SLC44A5: variants seen among roughly 807,000 people sequenced by gnomAD.
SLC44A5 encodes the protein choline transporter-like protein 5.
SLC44A5 carries 57 observed loss-of-function variants against 101.8 expected under a neutral mutation model. The observed-to-expected ratio is 0.56, with a 90% CI of 0.45 to 0.70. SLC44A5 has a LOEUF of 0.70. Among genes scored for constraint, SLC44A5 ranks in the 30% least tolerant of loss-of-function variants. SLC44A5 has a pLI of 0.00. For synonymous variants in SLC44A5, 281 were observed against 290.9 expected (o/e 0.97, Z 0.35); for missense variants, 737 against 853.1 (o/e 0.86, Z 1.70).
At chr1:75,619,087 G>GA in the SLC44A5 span, among the ~76,000 whole-genome samples, 1 of 66,774 alleles carries the variant, frequency 1.5e-5, no homozygotes. Context: ...AAAGGGGGGG[G>GA]GGAAGGAAAG....
intron 1 of SLC44A5, among the ~76,000 whole-genome samples, chr1:75,607,332 T>C (rs1675378604): frequency 6.6e-6 from 1 of 152,078 alleles, no homozygotes; most frequent in Admixed American, 6.6e-5. Flanking sequence ...CTTAAAAATA[T>C]ATTCAGTATC....
the SLC44A5 span, among the ~76,000 whole-genome samples, chr1:75,682,906 C>T: frequency 6.6e-6 from 1 of 151,988 alleles, no homozygotes; most frequent in Non-Finnish European, 1.5e-5. Flanking sequence ...AACAAATTAA[C>T]AAGAAAAAAA....
chr1:75,452,719 A>G (rs1665973272), intron 2 of SLC44A5, among the ~76,000 whole-genome samples: 1 of 152,116 alleles, frequency 6.6e-6, no homozygotes, highest in Non-Finnish European at 1.5e-5. Context: ...TATCATCCAA[A>G]TGAAAAAAGA....
In SLC44A5 at chr1:75,443,173, C is replaced by A. The variant is rs79258361; in HGVS notation, c.14-46552G>T. 6.2e-3 allele frequency among the ~76,000 whole-genome samples: 947 copies of A among 151,976 alleles called. 6 individuals are homozygous for A. Among genetic ancestry groups the A allele is most frequent in the Non-Finnish European group, 0.011 (721 of 67,974 alleles). On this transcript the variant is annotated intron_variant, in intron 2 of 23. Transcript: ENST00000370859. ...CCTATGGTTTAAGCTAAACCTGTAG[C>A]CTTACATGCTTATATTAGAAAATAA...
intron 2 of SLC44A5, among the ~76,000 whole-genome samples, chr1:75,484,592 C>T (rs903663224): frequency 3.3e-5 from 5 of 152,218 alleles, no homozygotes; most frequent in African/African-American, 1.2e-4. Flanking sequence ...GTTGGTGTAT[C>T]TACCATTCTA....
At chr1:75,607,253 T>G (rs1276584401) in intron 1 of SLC44A5, among the ~76,000 whole-genome samples, 1 of 151,996 alleles carries the variant, frequency 6.6e-6, no homozygotes, top group East Asian at 1.9e-4. Context: ...AACTGTGCAT[T>G]AATCCATCAC....
At chr1:75,564,346 TTA>T (rs1300781485) in intron 1 of SLC44A5, among the ~76,000 whole-genome samples, 4 of 152,194 alleles carry the variant, frequency 2.6e-5, no homozygotes, top group Non-Finnish European at 4.4e-5. Flanking sequence ...TTTTCAAGCA[TTA>T]ACATCACTAT....
chr1:75,592,009 A>G (rs553579075), intron 1 of SLC44A5, among the ~76,000 whole-genome samples: 4 of 152,186 alleles, frequency 2.6e-5, no homozygotes, highest in Non-Finnish European at 5.9e-5. Flanking sequence ...TATTCAACAT[A>G]GTACTGGAAG....
At chr1:75,641,646 G>T in the SLC44A5 span, 1 of 1,490,632 alleles carries the variant, frequency 6.7e-7, no homozygotes, top group South Asian at 1.1e-5. Context: ...TAACAAGGAA[G>T]TAAAATAACT....
chr1:75,699,164 T>C, the SLC44A5 span, among the ~76,000 whole-genome samples: 1 of 151,984 alleles, frequency 6.6e-6, no homozygotes, highest in African/African-American at 2.4e-5. Flanking sequence ...ACCACAAAGA[T>C]ACTCCTCGAG....
At chr1:75,421,749 G>A (rs946900179) in intron 2 of SLC44A5, among the ~76,000 whole-genome samples, 3 of 152,020 alleles carry the variant, frequency 2.0e-5, no homozygotes, top group African/African-American at 7.3e-5. Context: ...ATAGAGGAAG[G>A]AGAAACATGT....
At chr1:75,630,655 G>A in the SLC44A5 span, among the ~76,000 whole-genome samples, 1 of 152,062 alleles carries the variant, frequency 6.6e-6, no homozygotes, top group African/African-American at 2.4e-5. Context: ...TCAAGGACAG[G>A]TGAAAAGACA....
At chr1:75,537,033 A>AATATATATATATATATAT (rs61399659) in intron 2 of SLC44A5, among the ~76,000 whole-genome samples, 70 of 43,032 alleles carry the variant, frequency 1.6e-3, no homozygotes, top group South Asian at 3.3e-3. Context: ...AAAAAAAAAA[A>AATATATATATATATATAT]ATATATATCT....
chr1:75,677,738 A>C, the SLC44A5 span: 4 of 441,998 alleles, frequency 9.0e-6, no homozygotes, highest in Non-Finnish European at 1.8e-5. Context: ...ACCTATAAAA[A>C]ACACATTTCC....
At chr1:75,375,622 G>T (rs1244543294) in intron 3 of SLC44A5, among the ~76,000 whole-genome samples, 1 of 151,866 alleles carries the variant, frequency 6.6e-6, no homozygotes, top group Non-Finnish European at 1.5e-5. Flanking sequence ...GTTCACAAAG[G>T]GAACCCCATC....
At chr1:75,418,003 C>T (rs1229732639) in intron 2 of SLC44A5, among the ~76,000 whole-genome samples, 1 of 152,228 alleles carries the variant, frequency 6.6e-6, no homozygotes, top group Non-Finnish European at 1.5e-5. Context: ...AGCACAAAAA[C>T]ACTCAGGAAA....
the SLC44A5 span, among the ~76,000 whole-genome samples, chr1:75,692,442 G>A: frequency 0.077 from 11,692 of 152,004 alleles, 1,512 homozygotes; most frequent in African/African-American, 0.27. Context: ...TGATCCGCCC[G>A]CCTCAGCCTC....
At chr1:75,209,185 G>T (rs1316258169) in intron 23 of SLC44A5, among the ~76,000 whole-genome samples, 1 of 152,176 alleles carries the variant, frequency 6.6e-6, no homozygotes, top group East Asian at 1.9e-4. Context: ...AATTAATAAA[G>T]ATGGTGGAAA....
rs1652291404 is a variant in SLC44A5, at chr1:75,280,132, GTATATATATATATAT to G, written c.176-5105_176-5091del. On this transcript the variant is annotated intron_variant, in intron 5 of 23. Transcript: ENST00000370859. ...TTCCATTGTGTGTGTGTGTGTGTGT[GTATATATATATATAT>G]TGTATATATTATATATTGTATATAT... Among the ~76,000 whole-genome samples, 6 of 8,290 alleles carry G rather than the reference GTATATATATATATAT, an allele frequency of 7.2e-4. 1 individual carries two copies. The highest frequency in any genetic ancestry group is 5.3e-3 in the South Asian group (1 of 190). The allele number at this position is 8,290 out of a possible 152,430, so 5.4% of individuals were successfully genotyped here.
Sources: gnomAD v4.1 joint callset for allele counts (sites outside exome capture counted in the v4.1 genomes callset) on GRCh38, gnomAD v4.1.1 for gene constraint, MANE v1.5 for transcripts, NCBI Gene and HGNC (gene_info 2026-07-23, HGNC 2026-07-21) for gene names.